Variants in SYNE2 observed in about 807,000 individuals in gnomAD.
SYNE2 encodes the protein nesprin-2.
In SYNE2, 431 loss-of-function variants were observed where a neutral mutation model predicts 856.3. That is an observed-to-expected ratio of 0.50 (90% CI 0.47 to 0.55). SYNE2 has a LOEUF of 0.55. Among genes scored for constraint, SYNE2 ranks in the 20% least tolerant of loss-of-function variants. The probability of loss-of-function intolerance (pLI) is 0.00; values close to 1 mark genes in which losing one functional copy is unlikely to be tolerated. For synonymous variants in SYNE2, 2,923 were observed against 2,872.3 expected, an observed-to-expected ratio of 1.02 and a Z score of -0.56; for missense variants, 8,129 against 8,023.2, an observed-to-expected ratio of 1.01 and a Z score of -0.50.
In SYNE2 at chr14:64,225,024, G is replaced by C. The variant is rs1258621079; in HGVS notation, c.20495G>C (p.Gly6832Ala). Residue 6832 changes from glycine (G) to alanine (A), a missense_variant, in exon 115 of 116, where the codon GGC becomes GCC. Transcript: ENST00000555002. ...AKFRAVRTTE[G>A]EEETESRVPG... The stretch of plus-strand genomic sequence containing the variant: ...TTCAGAGCAGTGAGAACTACAGAAG[G>C]CGAGGAGGAGACAGAGAGCAGGTAA... 1 of 1,613,958 alleles carries C rather than the reference G, an allele frequency of 6.2e-7. No homozygotes were observed.
chr14:63,988,368 G>A (rs140523860), intron 19 of SYNE2, among the ~76,000 whole-genome samples: 1,633 of 152,272 alleles, frequency 0.011, 19 homozygotes, highest in African/African-American at 0.037. Context: ...GTGAGCCACC[G>A]TGCCCAGCTA....
rs778640413 is a variant in SYNE2 at position 64,122,376 on chromosome 14, T to G, written c.13371T>G (p.His4457Gln). 1 of 1,614,238 alleles carries G rather than the reference T, an allele frequency of 6.2e-7. No individual in the cohort carries two copies. The highest frequency in any genetic ancestry group is 2.2e-5 in the East Asian group (1 of 44,880). ...GAGATAAGTGGCAATATCTGCATCATGAACTCTCATCAAAAATAAAGCTCC... is the reference window on the plus strand; with the variant it reads ...GAGATAAGTGGCAATATCTGCATCAGGAACTCTCATCAAAAATAAAGCTCC... ...QNGDKWQYLH[H>Q]ELSSKIKLPL... Residue 4457 changes from histidine (H) to glutamine (Q), a missense_variant, in exon 70 of 116, where the codon CAT becomes CAG. This residue lies in a region of SYNE2 where 5,410 missense variants were observed against 5,284.8 expected (regional missense o/e 1.02). Transcript: ENST00000555002.
chr14:64,016,632 G>C lies in SYNE2; in HGVS notation c.4887+1G>C. The C allele has an allele frequency of 6.3e-7, 1 of 1,581,314 alleles. No homozygotes were observed. Among genetic ancestry groups the C allele is most frequent in the South Asian group, 1.1e-5 (1 of 87,826 alleles). ...TATTATTGTGGATAGATGGCTTGATGTAAGTGATAATTTCATTGATTGCAA... is the reference window on the plus strand; with the variant it reads ...TATTATTGTGGATAGATGGCTTGATCTAAGTGATAATTTCATTGATTGCAA... On this transcript the variant is annotated splice_donor_variant, in intron 33 of 115. Coordinates refer to ENST00000555002, the MANE Select transcript of SYNE2 (RefSeq NM_182914.3). LOFTEE classifies it high-confidence loss of function.
At chr14:63,927,227 G>A (rs910291972) in intron 2 of SYNE2, among the ~76,000 whole-genome samples, 1 of 152,216 alleles carries the variant, frequency 6.6e-6, no homozygotes, top group Non-Finnish European at 1.5e-5. Flanking sequence ...GGCCATGGAA[G>A]CATTCCAGGG....
intron 1 of SYNE2, among the ~76,000 whole-genome samples, chr14:63,880,873 G>T (rs1566694760): frequency 6.6e-6 from 1 of 150,872 alleles, no homozygotes; most frequent in Non-Finnish European, 1.5e-5. Context: ...TTGAGACGGA[G>T]TCTTGCTCTG....
At chr14:64,106,542 G>A (rs994546155) in intron 64 of SYNE2, among the ~76,000 whole-genome samples, 1 of 152,044 alleles carries the variant, frequency 6.6e-6, no homozygotes, top group Non-Finnish European at 1.5e-5. Flanking sequence ...CCAGCTACTC[G>A]GGAGGCTGAG....
intron 1 of SYNE2, among the ~76,000 whole-genome samples, chr14:63,764,817 G>T (rs535637630): frequency 6.6e-6 from 1 of 152,012 alleles, no homozygotes; most frequent in South Asian, 2.1e-4. Context: ...GCGTGGTGGC[G>T]CACACCTGTG....
chr14:64,222,485 G>A (rs1162914056), intron 112 of SYNE2, among the ~76,000 whole-genome samples: 4 of 152,154 alleles, frequency 2.6e-5, no homozygotes, highest in Admixed American at 1.3e-4. Flanking sequence ...CGGGCGGATC[G>A]CCTGAGGTCA....
At chr14:63,775,364 T>G (rs1292000059) in intron 1 of SYNE2, among the ~76,000 whole-genome samples, 2 of 150,564 alleles carry the variant, frequency 1.3e-5, no homozygotes, top group Non-Finnish European at 3.0e-5. Context: ...AACCCCTGCC[T>G]CCCAGTTTCA....
chr14:64,052,130 T>A lies in SYNE2; in HGVS notation c.8217T>A (p.Thr2739=). Residue 2739 remains threonine (T), a synonymous_variant, in exon 48 of 116, where the codon ACT becomes ACA. Coordinates refer to ENST00000555002, the MANE Select transcript of SYNE2 (RefSeq NM_182914.3). ...KCDIRNKMKE[T]ILWAKNLLGE... Reference sequence around the variant, plus strand: ...ACATAAGGAACAAGATGAAAGAGACTATCTTATGGGCCAAGAATTTGTTGG... The same window carrying A: ...ACATAAGGAACAAGATGAAAGAGACAATCTTATGGGCCAAGAATTTGTTGG... 6.2e-7 allele frequency: 1 copy of A among 1,614,188 alleles called. No individual in the cohort carries two copies. Among genetic ancestry groups the A allele is most frequent in the Non-Finnish European group, 8.5e-7 (1 of 1,180,032 alleles).
At chr14:64,121,710 T>G (rs992117633) in intron 68 of SYNE2, among the ~76,000 whole-genome samples, 1 of 152,252 alleles carries the variant, frequency 6.6e-6, no homozygotes, top group Non-Finnish European at 1.5e-5. Flanking sequence ...TTACATCTTA[T>G]ATCAGCTGTC....
At chr14:64,121,259 G>A (rs534935040) in intron 68 of SYNE2, among the ~76,000 whole-genome samples, 198 bp downstream of exon 68, 2 of 152,244 alleles carry the variant, frequency 1.3e-5, no homozygotes, top group South Asian at 4.1e-4. Context: ...AGTAGCTCAT[G>A]CCTGTAATCC....
intron 1 of SYNE2, among the ~76,000 whole-genome samples, chr14:63,831,524 A>G (rs1012834107): frequency 2.7e-5 from 4 of 148,024 alleles, no homozygotes; most frequent in African/African-American, 9.9e-5. Flanking sequence ...CTGGAAATAG[A>G]TAATATTAGA....
chr14:64,214,611 T>C, intron 106 of SYNE2, 141 bp downstream of exon 106: 1 of 776,952 alleles, frequency 1.3e-6, no homozygotes, highest in Non-Finnish European at 2.1e-6. Context: ...TGCTCTATCC[T>C]GCCCATCTCT....
In SYNE2 at chr14:64,098,156, A is replaced by C; in HGVS notation, c.12306+10A>C. On this transcript the variant is annotated intron_variant, in intron 62 of 115. Coordinates refer to ENST00000555002, the MANE Select transcript of SYNE2 (RefSeq NM_182914.3). ...TGCTTCTGAGCGGAAGGTGGGTATG[A>C]CTTTAGGTTAATGCTGGCCCCACAC... 1 of 1,613,598 alleles carries C rather than the reference A, an allele frequency of 6.2e-7. No individual in the cohort carries two copies. Among genetic ancestry groups the C allele is most frequent in the South Asian group, 1.1e-5 (1 of 91,060 alleles).
intron 99 of SYNE2, among the ~76,000 whole-genome samples, chr14:64,198,394 T>C (rs1250656180): frequency 6.6e-6 from 1 of 152,238 alleles, no homozygotes; most frequent in Admixed American, 6.5e-5. Context: ...AGACAAATAC[T>C]TCCTGACCTG....
Position 64,048,118 on chromosome 14 carries a change from A to C in SYNE2, c.7340A>C (p.Asp2447Ala). Residue 2447 changes from aspartate to alanine, a missense_variant, in exon 46 of 116, where the codon GAT (aspartate) becomes GCT (alanine). Transcript: ENST00000555002. ...NELQNQPLELDTMLRNEQLEE... is the reference protein window; with the variant it reads ...NELQNQPLELATMLRNEQLEE... ...CTGCAAAATCAACCTTTAGAATTAGATACTATGTTAAGAAATGAACAATTA... is the reference window on the plus strand; with the variant it reads ...CTGCAAAATCAACCTTTAGAATTAGCTACTATGTTAAGAAATGAACAATTA... 4.3e-6 allele frequency: 7 copies of C among 1,613,638 alleles called. No individual in the cohort carries two copies. Among genetic ancestry groups the C allele is most frequent in the Middle Eastern group, 1.7e-4 (1 of 6,034 alleles).
intron 19 of SYNE2, among the ~76,000 whole-genome samples, chr14:63,989,313 G>A (rs1197434912): frequency 6.6e-6 from 1 of 152,106 alleles, no homozygotes; most frequent in African/African-American, 2.4e-5. Context: ...ACCCTCTGCA[G>A]CGAGATAGCA....
intron 1 of SYNE2, among the ~76,000 whole-genome samples, chr14:63,769,452 G>A (rs551542076): frequency 2.6e-5 from 4 of 152,208 alleles, no homozygotes; most frequent in Admixed American, 2.6e-4. Context: ...CAGATCATGA[G>A]GTCAGGAGAT....
Sources: gnomAD v4.1 joint callset for allele counts (sites outside exome capture counted in the v4.1 genomes callset) on GRCh38, gnomAD v4.1.1 for gene constraint, gnomAD v4.1.1 regional missense constraint, MANE v1.5 for transcripts, NCBI Gene and HGNC (gene_info 2026-07-23, HGNC 2026-07-21) for gene names.